FGF13: variants seen among roughly 807,000 people sequenced by gnomAD.
FGF13 encodes the protein fibroblast growth factor homologous factor 2.
In FGF13, 2 loss-of-function variants were observed where a neutral mutation model predicts 19.5. The observed-to-expected ratio is 0.10, with a 90% CI of 0.04 to 0.32. FGF13 has a LOEUF of 0.32. Ranked by LOEUF, FGF13 falls within the 10% of genes least tolerant of loss-of-function variation. The pLI is 1.00. For synonymous variants in FGF13, 72 were observed against 76.9 expected (o/e 0.94, Z 0.33); for missense variants, 113 against 192.7 (o/e 0.59, Z 2.45).
chrX:139,100,041 AACACAC>A (rs56821859), intron 1 of FGF13, among the ~76,000 whole-genome samples: 1,053 of 76,380 alleles, frequency 0.014, 14 homozygotes, highest in African/African-American at 0.044. Flanking sequence ...GGGGAAAGCA[AACACAC>A]ACACACACAC....
chrX:139,068,476 T>C (rs1259652093), intron 1 of FGF13, among the ~76,000 whole-genome samples: 4 of 104,201 alleles, frequency 3.8e-5, no homozygotes, highest in African/African-American at 1.5e-4. Context: ...CGGGCTCTTT[T>C]TTGGTTCCAT....
At chrX:138,925,428 G>GAAAA (rs1556300280) in intron 1 of FGF13, among the ~76,000 whole-genome samples, 1 of 110,997 alleles carries the variant, frequency 9.0e-6, no homozygotes, top group South Asian at 3.9e-4. Context: ...GAAGAAAGAA[G>GAAAA]GGGATGACTC....
chrX:138,991,706 A>G (rs2092016151), intron 1 of FGF13, among the ~76,000 whole-genome samples: 1 of 112,189 alleles, frequency 8.9e-6, no homozygotes, highest in Admixed American at 9.5e-5. Flanking sequence ...CAATAAGGGA[A>G]AGTTTGGGAA....
At chrX:139,003,800 C>G (rs946365206) in intron 1 of FGF13, among the ~76,000 whole-genome samples, 38 of 108,683 alleles carry the variant, frequency 3.5e-4, no homozygotes, top group South Asian at 4.1e-4. Flanking sequence ...TAGACATAAA[C>G]GTTCTCCAAG....
intron 1 of FGF13, among the ~76,000 whole-genome samples, chrX:138,867,218 G>A (rs779044962): frequency 1.8e-5 from 2 of 110,375 alleles, no homozygotes; most frequent in South Asian, 8.0e-4. Flanking sequence ...GACCAGCCTG[G>A]GCAACATAGT....
chrX:138,835,662 T>C (rs1481217902), intron 3 of FGF13, among the ~76,000 whole-genome samples: 5 of 112,148 alleles, frequency 4.5e-5, no homozygotes, highest in Admixed American at 1.9e-4. Context: ...CATGTAAAGT[T>C]TGTATTGATA....
At chrX:139,095,940 A>T (rs1257436086) in intron 1 of FGF13, among the ~76,000 whole-genome samples, 1 of 111,794 alleles carries the variant, frequency 8.9e-6, no homozygotes, top group Non-Finnish European at 1.9e-5. Context: ...AGAAAGAAAC[A>T]CAATAAGAAA....
At chrX:138,767,626 A>G (rs1341773071) in intron 3 of FGF13, among the ~76,000 whole-genome samples, 1 of 112,263 alleles carries the variant, frequency 8.9e-6, no homozygotes, top group Non-Finnish European at 1.9e-5. Context: ...TCTGGAGGCC[A>G]TAGTCAAACT....
chrX:138,873,476 T>C (rs1284849484), intron 1 of FGF13, among the ~76,000 whole-genome samples: 1 of 111,838 alleles, frequency 8.9e-6, no homozygotes, highest in Non-Finnish European at 1.9e-5. Flanking sequence ...AGGTCATACA[T>C]GGGAACAGGA....
intron 1 of FGF13, among the ~76,000 whole-genome samples, chrX:139,121,793 G>A (rs2083679122): frequency 9.0e-6 from 1 of 111,131 alleles, no homozygotes; most frequent in Non-Finnish European, 1.9e-5. Context: ...CCTAGAAGCA[G>A]GAGGCACACC....
chrX:139,014,517 A>C (rs1309770043), intron 1 of FGF13, among the ~76,000 whole-genome samples: 1 of 111,689 alleles, frequency 9.0e-6, no homozygotes, highest in African/African-American at 3.2e-5. Flanking sequence ...CTAGAAACAT[A>C]CAACCTATTA....
upstream of FGF13, chrX:139,204,240 C>G: frequency 1.7e-6 from 1 of 594,086 alleles, no homozygotes. Flanking sequence ...GCGGAATCCG[C>G]TTTTCCCCAC....
intron 1 of FGF13, among the ~76,000 whole-genome samples, chrX:139,056,643 G>C (rs1226970713): frequency 8.9e-6 from 1 of 112,325 alleles, no homozygotes; most frequent in Admixed American, 9.4e-5. Context: ...AAGTGGTTAT[G>C]AGTAATAATG....
intron 1 of FGF13, among the ~76,000 whole-genome samples, chrX:138,962,391 T>C (rs1379860354): frequency 1.1e-4 from 12 of 112,192 alleles, no homozygotes; most frequent in African/African-American, 3.9e-4. Flanking sequence ...TTTTACACTG[T>C]TGGTGGAACT....
At chrX:138,781,917 C>G (rs900937221) in intron 3 of FGF13, among the ~76,000 whole-genome samples, 5 of 111,992 alleles carry the variant, frequency 4.5e-5, no homozygotes, top group African/African-American at 1.6e-4. Context: ...CAATAAAATA[C>G]TGGCAAAACG....
At chrX:138,943,123 A>T (rs954908255) in intron 1 of FGF13, among the ~76,000 whole-genome samples, 1 of 112,155 alleles carries the variant, frequency 8.9e-6, no homozygotes, top group East Asian at 2.8e-4. Flanking sequence ...ACCATGGGAA[A>T]TATGGAAGGG....
intron 1 of FGF13, among the ~76,000 whole-genome samples, chrX:139,074,428 A>C (rs1203134419): frequency 1.8e-5 from 2 of 111,978 alleles, no homozygotes; most frequent in Non-Finnish European, 3.8e-5. Flanking sequence ...ACCTGAAAGA[A>C]AATAAGCTTA....
At chrX:138,950,755 C>T (rs943400239) in intron 1 of FGF13, among the ~76,000 whole-genome samples, 3 of 111,420 alleles carry the variant, frequency 2.7e-5, no homozygotes, top group Admixed American at 9.6e-5. Context: ...ATTAGTATTA[C>T]TCAAAATAAT....
chrX:139,194,186 G>T, intron 1 of FGF13, among the ~76,000 whole-genome samples: 1 of 111,061 alleles, frequency 9.0e-6, no homozygotes, highest in South Asian at 3.8e-4. Context: ...ATTCTAAGAC[G>T]TTGAGGGAAA....
Sources: allele counts gnomAD v4.1 joint callset (sites outside exome capture counted in the v4.1 genomes callset), GRCh38; gene constraint gnomAD v4.1.1; transcripts MANE v1.5; gene names NCBI Gene and HGNC (gene_info 2026-07-23, HGNC 2026-07-21).